Variants in ZFAND3 observed in about 807,000 individuals in gnomAD.
The protein encoded by ZFAND3 is zinc finger AN1-type containing 3, also known as AN1-type zinc finger protein 3.
In ZFAND3, 10 loss-of-function variants were observed where a neutral mutation model predicts 29.6. That is an observed-to-expected ratio of 0.34 (90% confidence interval 0.21 to 0.57). The LOEUF (loss-of-function observed/expected upper bound fraction) is 0.57, where lower values mean the gene tolerates loss of function less well. Among genes scored for constraint, ZFAND3 ranks in the 20% least tolerant of loss-of-function variants. The pLI, the probability that ZFAND3 is intolerant of heterozygous loss-of-function variation, is 0.86. For missense variants in ZFAND3, 230 were observed against 304.5 expected, an observed-to-expected ratio of 0.76 and a Z score of 1.82; for synonymous variants, 128 against 112.6, an observed-to-expected ratio of 1.14 and a Z score of -0.87.
chr6:38,099,403 G>C (rs972638614), intron 4 of ZFAND3, among the ~76,000 whole-genome samples: 10 of 152,092 alleles, frequency 6.6e-5, no homozygotes, highest in African/African-American at 2.4e-4. Flanking sequence ...CACATACTCT[G>C]CCATAAAAGC....
chr6:37,983,893 A>G (rs1762622163), intron 2 of ZFAND3, among the ~76,000 whole-genome samples: 1 of 152,310 alleles, frequency 6.6e-6, no homozygotes, highest in African/African-American at 2.4e-5. Flanking sequence ...ACAACAATGA[A>G]ATTGCATTTT....
chr6:37,847,636 C>G (rs1022127631), intron 1 of ZFAND3, among the ~76,000 whole-genome samples: 30 of 152,056 alleles, frequency 2.0e-4, no homozygotes, highest in African/African-American at 6.8e-4. Context: ...TTTCTCTATT[C>G]TCCATAATAT....
chr6:38,044,673 A>C (rs151116942), intron 2 of ZFAND3, among the ~76,000 whole-genome samples: 1 of 152,344 alleles, frequency 6.6e-6, no homozygotes, highest in East Asian at 1.9e-4. Flanking sequence ...CTTTCTTGAC[A>C]TGCTAGTTTT....
chr6:37,981,785 A>C (rs996100448), intron 2 of ZFAND3, among the ~76,000 whole-genome samples: 8 of 152,150 alleles, frequency 5.3e-5, no homozygotes, highest in Non-Finnish European at 1.0e-4. Flanking sequence ...TTATTTTGCC[A>C]GGGTTAAGGA....
At chr6:38,079,153 T>C (rs1319370219) in intron 3 of ZFAND3, among the ~76,000 whole-genome samples, 1 of 152,208 alleles carries the variant, frequency 6.6e-6, no homozygotes, top group African/African-American at 2.4e-5. Flanking sequence ...GTTCCTGTTC[T>C]GGGTTTTAAA....
chr6:37,931,149 A>C (rs924432271), intron 2 of ZFAND3, among the ~76,000 whole-genome samples: 1 of 152,216 alleles, frequency 6.6e-6, no homozygotes, highest in Non-Finnish European at 1.5e-5. Flanking sequence ...AATGGCTTTC[A>C]GGTCCTTGAG....
intron 2 of ZFAND3, among the ~76,000 whole-genome samples, chr6:37,948,077 G>A (rs1403338039): frequency 1.3e-5 from 2 of 152,174 alleles, no homozygotes. Flanking sequence ...GCATTCTGCT[G>A]TTGTTGAGTA....
chr6:37,967,510 C>T lies in ZFAND3; in HGVS notation c.112+37511C>T, dbSNP rs545345858. On this transcript the variant is annotated intron_variant, in intron 2 of 5. Coordinates refer to ENST00000287218, the MANE Select transcript of ZFAND3 (RefSeq NM_021943.3). Reference sequence around the variant, plus strand: ...AGCCAGGATCTGGGTAACCAGTGTGCTCATTACCATTGGGGTGTTGCTACT... The same window carrying T: ...AGCCAGGATCTGGGTAACCAGTGTGTTCATTACCATTGGGGTGTTGCTACT... 3.9e-5 allele frequency among the ~76,000 whole-genome samples: 6 copies of T among 152,316 alleles called. No homozygotes were observed. In the East Asian group the frequency reaches 7.7e-4, roughly 20 times the overall value.
Position 38,152,917 on chromosome 6 carries a change from C to CT in ZFAND3, c.*529dup. ...TGCTGAGATTGGCCACGTGGCTGGGCTGGGTGGTGGCCTCACTCTCCCACA... is the reference window on the plus strand; with the variant it reads ...TGCTGAGATTGGCCACGTGGCTGGGCTTGGGTGGTGGCCTCACTCTCCCACA... On this transcript the variant is annotated 3_prime_UTR_variant, in exon 6 of 6. Coordinates refer to ENST00000287218, the MANE Select transcript of ZFAND3 (RefSeq NM_021943.3). 1.0e-6 allele frequency: 1 copy of CT among 985,916 alleles called. No individual in the cohort carries two copies. Among genetic ancestry groups the CT allele is most frequent in the Non-Finnish European group, 1.2e-6 (1 of 829,982 alleles). The allele number at this position is 985,916 out of a possible 1,614,324, so 61.1% of individuals were successfully genotyped here. A position where few individuals can be genotyped will look rare whatever the true frequency, so the allele number is the denominator to read the frequency against.
At chr6:37,962,032 A>G (rs1762207383) in intron 2 of ZFAND3, among the ~76,000 whole-genome samples, 1 of 152,246 alleles carries the variant, frequency 6.6e-6, no homozygotes, top group African/African-American at 2.4e-5. Flanking sequence ...CCCGGGACAA[A>G]TCCTGAAGAA....
intron 2 of ZFAND3, among the ~76,000 whole-genome samples, chr6:37,977,542 A>T (rs1762501562): frequency 6.6e-6 from 1 of 152,040 alleles, no homozygotes; most frequent in Admixed American, 6.6e-5. Context: ...ACCTCAAGTG[A>T]TCCGCATGCC....
chr6:38,136,249 C>A (rs1765840519), intron 5 of ZFAND3, among the ~76,000 whole-genome samples: 1 of 152,310 alleles, frequency 6.6e-6, no homozygotes, highest in African/African-American at 2.4e-5. Flanking sequence ...TATTGCTATA[C>A]CCCAGTACAG....
intron 1 of ZFAND3, among the ~76,000 whole-genome samples, chr6:37,906,266 C>G (rs902461526): frequency 1.3e-5 from 2 of 152,148 alleles, no homozygotes; most frequent in African/African-American, 4.8e-5. Context: ...TTTGTTTATT[C>G]AGTCTCTTTC....
At chr6:38,141,337 C>A (rs145437976) in intron 5 of ZFAND3, among the ~76,000 whole-genome samples, 1 of 152,166 alleles carries the variant, frequency 6.6e-6, no homozygotes, top group Non-Finnish European at 1.5e-5. Context: ...ACAATCAGTA[C>A]GTGACCAAAC....
chr6:37,860,815 A>G (rs1222192715), intron 1 of ZFAND3, among the ~76,000 whole-genome samples: 1 of 150,856 alleles, frequency 6.6e-6, no homozygotes, highest in African/African-American at 2.4e-5. Flanking sequence ...CATTTATGGG[A>G]TGTGGCTTAG....
chr6:38,134,759 G>A (rs551281002), intron 5 of ZFAND3, among the ~76,000 whole-genome samples: 7 of 152,330 alleles, frequency 4.6e-5, no homozygotes, highest in African/African-American at 1.7e-4. Flanking sequence ...AGCTGCTGGG[G>A]CCTGGAGACG....
chr6:38,074,402 A>G (rs1387179017), intron 3 of ZFAND3, among the ~76,000 whole-genome samples: 1 of 152,210 alleles, frequency 6.6e-6, no homozygotes, highest in African/African-American at 2.4e-5. Context: ...CATATGGGAT[A>G]AATATCAATG....
At chr6:37,919,717 T>G (rs933722632) in intron 1 of ZFAND3, among the ~76,000 whole-genome samples, 3 of 152,246 alleles carry the variant, frequency 2.0e-5, no homozygotes, top group Non-Finnish European at 4.4e-5. Flanking sequence ...TTCAGAGGCC[T>G]TCTTCAATGG....
chr6:37,841,116 A>G (rs1257613542), intron 1 of ZFAND3, among the ~76,000 whole-genome samples: 3 of 152,192 alleles, frequency 2.0e-5, no homozygotes, highest in Admixed American at 1.3e-4. Context: ...AAATTTAGAG[A>G]TCTTGAGTAA....
Sources: gnomAD v4.1 joint callset for allele counts (sites outside exome capture counted in the v4.1 genomes callset) on GRCh38, gnomAD v4.1.1 for gene constraint, MANE v1.5 for transcripts, NCBI Gene and HGNC (gene_info 2026-07-23, HGNC 2026-07-21) for gene names.